Variants in CAB39 observed in about 807,000 individuals in gnomAD.
CAB39 encodes calcium binding protein 39, also known as calcium-binding protein 39.
Under a neutral mutation model 40.0 loss-of-function variants are expected in CAB39, and 8 were observed. The observed-to-expected ratio is 0.20, with a 90% CI of 0.12 to 0.36. CAB39 has a LOEUF of 0.36. Among genes scored for constraint, CAB39 ranks in the 10% least tolerant of loss-of-function variants. The probability of loss-of-function intolerance (pLI) is 1.00; values close to 1 mark genes in which losing one functional copy is unlikely to be tolerated. For synonymous variants in CAB39, 156 were observed against 141.6 expected (o/e 1.10, Z -0.72); for missense variants, 270 against 401.1 (o/e 0.67, Z 2.79).
intron 1 of CAB39, among the ~76,000 whole-genome samples, chr2:230,716,684 G>C (rs968652687): frequency 1.1e-4 from 17 of 152,190 alleles, no homozygotes; most frequent in Non-Finnish European, 2.4e-4. Context: ...TTATAGGCCT[G>C]ACCACACTGG....
intron 1 of CAB39, among the ~76,000 whole-genome samples, chr2:230,733,219 C>T (rs190186210): frequency 6.4e-4 from 97 of 152,200 alleles, no homozygotes; most frequent in African/African-American, 2.1e-3. Flanking sequence ...CATCGTGCCC[C>T]CCTTCATTCT....
At chr2:230,729,225 A>G (rs1043641841) in intron 1 of CAB39, among the ~76,000 whole-genome samples, 2 of 152,216 alleles carry the variant, frequency 1.3e-5, no homozygotes, top group Non-Finnish European at 2.9e-5. Flanking sequence ...TATCATCCCA[A>G]TATGTGCCAA....
Position 230,794,256 on chromosome 2 carries a change from C to T in CAB39, c.398+925C>T, listed in dbSNP as rs181347665. 1.1e-4 allele frequency among the ~76,000 whole-genome samples: 17 copies of T among 152,274 alleles called. No homozygotes were observed. The East Asian group carries it at 2.7e-3, about 24-fold the overall frequency. ...AAAGTGTGAGTCAGTGCCTGTGTTG[C>T]ACGCCAGCGTTCTGTTTCCCTCTTT... On this transcript the variant is annotated intron_variant, in intron 4 of 8. Transcript: ENST00000258418.
At position 230,817,483 on chromosome 2, in the gene CAB39, C is replaced by T. The variant is rs537235609; in HGVS notation, c.694-271C>T. 3.0e-4 allele frequency among the ~76,000 whole-genome samples: 45 copies of T among 152,136 alleles called. 1 individual carries two copies. The highest frequency in any genetic ancestry group is 5.7e-4 in the Non-Finnish European group (39 of 67,988). On this transcript the variant is annotated intron_variant, in intron 7 of 8. Coordinates refer to ENST00000258418, the MANE Select transcript of CAB39 (RefSeq NM_016289.4). The stretch of plus-strand genomic sequence containing the variant: ...TAAAGGGGAGGCTTTGAGAGTCTCC[C>T]ACTGGGGCCAAGGGGGCATCTTGAA...
At chr2:230,748,699 A>G (rs1195992680) in intron 1 of CAB39, among the ~76,000 whole-genome samples, 2 of 150,638 alleles carry the variant, frequency 1.3e-5, no homozygotes, top group Non-Finnish European at 3.0e-5. Flanking sequence ...CCAGCTACAT[A>G]GGGAGGCTGA....
chr2:230,718,369 A>T (rs1694389173), intron 1 of CAB39, among the ~76,000 whole-genome samples: 1 of 152,230 alleles, frequency 6.6e-6, no homozygotes, highest in African/African-American at 2.4e-5. Flanking sequence ...TAGATTATAT[A>T]TCAGCTGTAT....
At chr2:230,732,258 T>G (rs1452737023) in intron 1 of CAB39, among the ~76,000 whole-genome samples, 1 of 152,088 alleles carries the variant, frequency 6.6e-6, no homozygotes, top group Non-Finnish European at 1.5e-5. Context: ...ATTTTTTGTA[T>G]TTTTTAGTGG....
intron 1 of CAB39, among the ~76,000 whole-genome samples, chr2:230,720,083 A>G (rs1374007984): frequency 6.6e-6 from 1 of 152,230 alleles, no homozygotes; most frequent in African/African-American, 2.4e-5. Flanking sequence ...AAGCTTAGTA[A>G]GTCAGTCTAT....
rs1186778420 is a variant in CAB39, at chr2:230,820,339, G to A, written c.*1635G>A. ...TGTTTCAGCAGGTTTTAAACCTTCA[G>A]GAACACCAGTTAGGAAAATAGCTCC... On this transcript the variant is annotated 3_prime_UTR_variant, in exon 9 of 9. Transcript: ENST00000258418. The A allele has an allele frequency of 6.6e-6, 1 of 152,164 alleles. No homozygotes were observed. The highest frequency in any genetic ancestry group is 1.5e-5 in the Non-Finnish European group (1 of 68,032). The allele number at this position is 152,164 out of a possible 1,614,324, so 9.4% of individuals were successfully genotyped here.
intron 5 of CAB39, among the ~76,000 whole-genome samples, chr2:230,807,349 G>A (rs911523960): frequency 6.6e-6 from 1 of 151,830 alleles, no homozygotes; most frequent in Non-Finnish European, 1.5e-5. Context: ...TCCCAGCTTA[G>A]TATTCACCTT....
In CAB39 at chr2:230,791,006, G is replaced by C. The variant is rs759380164; in HGVS notation, c.249G>C (p.Leu83=). ...ELYNSGLLST[L]VADLQLIDFE... ...ATAATAGTGGGCTCCTTAGCACCCT[G>C]GTAGCTGATTTACAGCTCATTGACT... Residue 83 remains leucine (L), a synonymous_variant, in exon 3 of 9, where the codon CTG becomes CTC. Transcript: ENST00000258418. 3.8e-6 allele frequency: 6 copies of C among 1,599,722 alleles called. No individual in the cohort carries two copies. The highest frequency in any genetic ancestry group is 1.8e-5 in the Admixed American group (1 of 56,272).
chr2:230,761,888 TTTGTTGTTGTTG>T lies in CAB39; in HGVS notation c.114+1797_114+1808del, dbSNP rs55722046. ...GGTACTGTTTTTTGTTTGTTTTTTA[TTTGTTGTTGTTG>T]TTGTTGTTGTTGTTGTTGTTGTTTT... On this transcript the variant is annotated intron_variant, in intron 2 of 8. Transcript: ENST00000258418. 4.1e-4 allele frequency among the ~76,000 whole-genome samples: 61 copies of T among 149,954 alleles called. No individual in the cohort carries two copies. The South Asian group carries it at 5.7e-3, about 14-fold the overall frequency.
chr2:230,790,894 A>G lies in CAB39; in HGVS notation c.137A>G (p.Asn46Ser), dbSNP rs961868890. The G allele has an allele frequency of 1.9e-6, 3 of 1,604,518 alleles. No homozygotes were observed. The highest frequency in any genetic ancestry group is 3.5e-5 in the Admixed American group (2 of 57,252). The part of the protein sequence containing the change: ...AEKATEEVSK[N>S]LVAMKEILYG... ...TAGGCTACAGAAGAAGTTTCCAAAA[A>G]TCTGGTTGCCATGAAAGAAATTCTG... Residue 46 changes from asparagine (N) to serine (S), a missense_variant, in exon 3 of 9, where the codon AAT becomes AGT. Coordinates refer to ENST00000258418, the MANE Select transcript of CAB39 (RefSeq NM_016289.4).
At chr2:230,732,555 A>G (rs1694713102) in intron 1 of CAB39, among the ~76,000 whole-genome samples, 1 of 152,230 alleles carries the variant, frequency 6.6e-6, no homozygotes, top group Admixed American at 6.5e-5. Context: ...GTACATGAAG[A>G]TGGCCCTTGC....
intron 1 of CAB39, among the ~76,000 whole-genome samples, chr2:230,748,314 G>A (rs1575918057): frequency 6.6e-6 from 1 of 152,116 alleles, no homozygotes; most frequent in Non-Finnish European, 1.5e-5. Context: ...GTGGGCAAGG[G>A]AGAGTCAAAT....
intron 1 of CAB39, among the ~76,000 whole-genome samples, chr2:230,744,459 A>G (rs1024040974): frequency 1.3e-5 from 2 of 151,682 alleles, no homozygotes; most frequent in African/African-American, 4.8e-5. Context: ...ATGCCCAGCT[A>G]ATTTTTGTAT....
chr2:230,796,200 G>A (rs982903973), intron 4 of CAB39, among the ~76,000 whole-genome samples: 5 of 152,148 alleles, frequency 3.3e-5, no homozygotes, highest in Admixed American at 2.0e-4. Flanking sequence ...TTGTACTTTT[G>A]TTAATTAATT....
At chr2:230,774,434 C>T (rs371595815) in intron 2 of CAB39, among the ~76,000 whole-genome samples, 57 of 151,954 alleles carry the variant, frequency 3.8e-4, no homozygotes, top group Admixed American at 3.9e-4. Context: ...TTTAAAAAAG[C>T]GGTTAATGTT....
rs780577427 is a variant in CAB39, at chr2:230,760,118, A to G, written c.114+3A>G. On this transcript the variant is annotated splice_donor_region_variant and intron_variant, in intron 2 of 8. Coordinates refer to ENST00000258418, the MANE Select transcript of CAB39 (RefSeq NM_016289.4). Reference sequence around the variant, plus strand: ...TTTCTGATAAAAAAGCAGAAAAGGTATGGATTTGGCTTTATTTATATTTGA... The same window carrying G: ...TTTCTGATAAAAAAGCAGAAAAGGTGTGGATTTGGCTTTATTTATATTTGA... 1 of 1,571,246 alleles carries G rather than the reference A, an allele frequency of 6.4e-7. No individual in the cohort carries two copies. The highest frequency in any genetic ancestry group is 8.8e-7 in the Non-Finnish European group (1 of 1,141,196).
Sources: allele counts gnomAD v4.1 joint callset (sites outside exome capture counted in the v4.1 genomes callset), GRCh38; gene constraint gnomAD v4.1.1; transcripts MANE v1.5; gene names NCBI Gene and HGNC (gene_info 2026-07-23, HGNC 2026-07-21).